SKP1: variants seen among roughly 807,000 people sequenced by gnomAD.
The protein encoded by SKP1 is S-phase kinase-associated protein 1.
In SKP1, 1 loss-of-function variant was observed where a neutral mutation model predicts 21.5. That is an observed-to-expected ratio of 0.05 (90% confidence interval 0.02 to 0.22). The LOEUF (loss-of-function observed/expected upper bound fraction) is 0.22, where lower values mean the gene tolerates loss of function less well. SKP1 is among the 10% of genes least tolerant of loss of function. SKP1 has a pLI of 1.00. For synonymous variants in SKP1, 59 were observed against 59.3 expected (o/e 0.99, Z 0.03); for missense variants, 70 against 192.0 (o/e 0.36, Z 3.76).
chr5:134,170,851 G>A, intron 2 of SKP1: 2 of 374,114 alleles, frequency 5.3e-6, no homozygotes, highest in Admixed American at 7.0e-5. Flanking sequence ...AGTGTGTCAG[G>A]CACCAAGATA....
rs1554109180 is a variant in SKP1, at chr5:134,157,234, T to TAC, written c.*497_*498dup. On this transcript the variant is annotated 3_prime_UTR_variant, in exon 6 of 6. Transcript: ENST00000353411. ...ACATACAGGCTAATCAATACAGTGG[T>TAC]ACTCCTTGACTGCAGGAGGCTGGAA... 1 of 161,932 alleles carries TAC rather than the reference T, an allele frequency of 6.2e-6. No individual in the cohort carries two copies. The highest frequency in any genetic ancestry group is 1.8e-4 in the East Asian group (1 of 5,556). 10.0% of individuals were successfully genotyped at this position (161,932 alleles called of 1,614,324 possible).
intron 2 of SKP1, chr5:134,171,080 T>C (rs540192929): frequency 1.3e-4 from 57 of 454,014 alleles, no homozygotes; most frequent in Non-Finnish European, 2.3e-4. Flanking sequence ...ATAGAAGTTA[T>C]CTTAAGTTAC....
At chr5:134,165,722 T>TA (rs1169481967) in intron 3 of SKP1, among the ~76,000 whole-genome samples, 13 of 149,908 alleles carry the variant, frequency 8.7e-5, no homozygotes, top group African/African-American at 3.2e-4. Context: ...CCATCTCTAC[T>TA]AAAAAATACA....
Position 134,159,056 on chromosome 5 carries a change from T to A in SKP1, c.316-461A>T, listed in dbSNP as rs576741531. Among the ~76,000 whole-genome samples, 5 of 152,368 alleles carry A rather than the reference T, an allele frequency of 3.3e-5. No homozygotes were observed. In the South Asian group the frequency reaches 1.0e-3, roughly 32 times the overall value. On this transcript the variant is annotated intron_variant, in intron 4 of 5. Coordinates refer to ENST00000353411, the MANE Select transcript of SKP1 (RefSeq NM_170679.3). ...CCCTTTAATATTCTCATTCTTCTGT[T>A]TACTTTGTAGTTAATTTCATCTTTT...
chr5:134,164,965 T>A (rs1311852440), intron 3 of SKP1, among the ~76,000 whole-genome samples: 2 of 151,834 alleles, frequency 1.3e-5, no homozygotes, highest in South Asian at 4.1e-4. Flanking sequence ...TGATTCCATA[T>A]ATTATGTATC....
At chr5:134,165,170 A>G (rs961534471) in intron 3 of SKP1, among the ~76,000 whole-genome samples, 3 of 152,152 alleles carry the variant, frequency 2.0e-5, no homozygotes, top group Non-Finnish European at 4.4e-5. Context: ...TGATAGCTGC[A>G]CAACACTGTG....
intron 4 of SKP1, among the ~76,000 whole-genome samples, chr5:134,159,688 C>T (rs1761184218): frequency 1.3e-5 from 2 of 152,130 alleles, no homozygotes; most frequent in Admixed American, 1.3e-4. Flanking sequence ...GCTGAGACTA[C>T]AGGTTCCTGC....
intron 5 of SKP1, 42 bp from the exon 6 acceptor site, chr5:134,157,810 T>C (rs749763318): frequency 1.2e-5 from 19 of 1,613,044 alleles, no homozygotes; most frequent in Admixed American, 1.7e-5. Context: ...ACTTGAGTAG[T>C]CTTTCCTAAG....
Position 134,153,640 on chromosome 5 carries a change from T to C in SKP1, c.*4093A>G, listed in dbSNP as rs1761076235. ...GTGCTGAGAGCAAGAGGTCTGCTGCTCTCTCAATTTTCTCTTTTCTGGTGG... is the reference window on the plus strand; with the variant it reads ...GTGCTGAGAGCAAGAGGTCTGCTGCCCTCTCAATTTTCTCTTTTCTGGTGG... On this transcript the variant is annotated 3_prime_UTR_variant, in exon 6 of 6. Transcript: ENST00000353411. The C allele has an allele frequency of 6.6e-6, 1 of 152,210 alleles. No individual in the cohort carries two copies. The highest frequency in any genetic ancestry group is 2.1e-4 in the South Asian group (1 of 4,834). The allele number at this position is 152,210 out of a possible 1,614,324, so 9.4% of individuals were successfully genotyped here.
At position 134,166,248 on chromosome 5, in the gene SKP1, GAA is replaced by G. The variant is rs369783220; in HGVS notation, c.171+920_171+921del. ...ATATCACCTTTCATTTTGTTATATG[GAA>G]AAAAAAAAACATAGAAATGTATAGT... On this transcript the variant is annotated intron_variant, in intron 3 of 5. Transcript: ENST00000353411. 2.1e-5 allele frequency among the ~76,000 whole-genome samples: 3 copies of G among 145,198 alleles called. 1 individual carries two copies. Among genetic ancestry groups the G allele is most frequent in the South Asian group, 4.3e-4 (2 of 4,626 alleles).
At chr5:134,176,285 GC>G (rs1761544386) in intron 1 of SKP1, among the ~76,000 whole-genome samples, 1 of 152,156 alleles carries the variant, frequency 6.6e-6, no homozygotes, top group African/African-American at 2.4e-5. Context: ...GAAAGCCGGC[GC>G]CCGCACACGG....
intron 5 of SKP1, chr5:134,158,070 T>C (rs1761151355): frequency 1.4e-6 from 2 of 1,440,618 alleles, no homozygotes; most frequent in East Asian, 3.0e-5. Flanking sequence ...AACAAAATCA[T>C]TCTGATCTAT....
chr5:134,149,909 G>A lies in SKP1; in HGVS notation c.*7824C>T, dbSNP rs1177606906. The A allele has an allele frequency of 6.6e-6, 1 of 151,632 alleles. No individual in the cohort carries two copies. The highest frequency in any genetic ancestry group is 2.4e-5 in the African/African-American group (1 of 41,208). 9.4% of individuals were successfully genotyped at this position (151,632 alleles called of 1,614,324 possible). A position where few individuals can be genotyped will look rare whatever the true frequency, so the allele number is the denominator to read the frequency against. The stretch of plus-strand genomic sequence containing the variant: ...TCAGATCCTCCCAAATCACCCTGGT[G>A]CATTCCTGCGAGGCCAGAGGGTGAC... On this transcript the variant is annotated 3_prime_UTR_variant, in exon 6 of 6. Coordinates refer to ENST00000353411, the MANE Select transcript of SKP1 (RefSeq NM_170679.3).
Position 134,154,496 on chromosome 5 carries a change from T to C in SKP1, c.*3237A>G. ...AATTATTAGAATTTGAGGGGGCACA[T>C]CTTTAGCCTATGACAATGTTAAGGA... is the stretch of plus-strand genomic sequence containing the variant. On this transcript the variant is annotated 3_prime_UTR_variant, in exon 6 of 6. Transcript: ENST00000353411. 6.8e-6 allele frequency: 1 copy of C among 146,628 alleles called. No homozygotes were observed. The highest frequency in any genetic ancestry group is 2.2e-4 in the South Asian group (1 of 4,520). 9.1% of individuals were successfully genotyped at this position (146,628 alleles called of 1,614,324 possible).
intron 2 of SKP1, among the ~76,000 whole-genome samples, chr5:134,169,560 C>A (rs1441606248): frequency 1.3e-5 from 2 of 152,234 alleles, no homozygotes; most frequent in Non-Finnish European, 2.9e-5. Context: ...CGAGGCTTAA[C>A]TCACATTAAA....
At position 134,151,531 on chromosome 5, in the gene SKP1, C is replaced by G. The variant is rs1270677436; in HGVS notation, c.*6202G>C. On this transcript the variant is annotated 3_prime_UTR_variant, in exon 6 of 6. Transcript: ENST00000353411. ...TTTCACCAGATAGGTGGGAGGTATTCAAAGTGAGAGCACTTTAAGGAAATA... is the reference window on the plus strand; with the variant it reads ...TTTCACCAGATAGGTGGGAGGTATTGAAAGTGAGAGCACTTTAAGGAAATA... The G allele has an allele frequency of 6.0e-6, 2 of 333,612 alleles. No homozygotes were observed. Among genetic ancestry groups the G allele is most frequent in the South Asian group, 2.3e-5 (1 of 43,868 alleles). The allele number at this position is 333,612 out of a possible 1,614,324, so 20.7% of individuals were successfully genotyped here. A position where few individuals can be genotyped will look rare whatever the true frequency, so the allele number is the denominator to read the frequency against.
chr5:134,172,571 T>TA (rs11458283), intron 2 of SKP1, among the ~76,000 whole-genome samples: 8,358 of 142,500 alleles, frequency 0.059, 700 homozygotes, highest in African/African-American at 0.18. Flanking sequence ...AAAGCTTGTT[T>TA]AAAAAAAAAA....
At chr5:134,159,029 T>C (rs1403508274) in intron 4 of SKP1, among the ~76,000 whole-genome samples, 1 of 152,274 alleles carries the variant, frequency 6.6e-6, no homozygotes, top group African/African-American at 2.4e-5. Context: ...CATTGATTTC[T>C]GCCCTTTAAT....
At chr5:134,160,064 T>C (rs1761191792) in intron 4 of SKP1, among the ~76,000 whole-genome samples, 1 of 151,918 alleles carries the variant, frequency 6.6e-6, no homozygotes. Context: ...TCATTACATA[T>C]AATGTTTTAG....
Sources: allele counts gnomAD v4.1 joint callset (sites outside exome capture counted in the v4.1 genomes callset), GRCh38; gene constraint gnomAD v4.1.1; transcripts MANE v1.5; gene names NCBI Gene and HGNC (gene_info 2026-07-23, HGNC 2026-07-21).